The following CERS6 variants were observed in gnomAD, a reference collection of about 807,000 sequenced individuals.
CERS6 encodes the protein LAG1 homolog, ceramide synthase 6.
CERS6 carries 26 observed loss-of-function variants against 56.8 expected under a neutral mutation model. The ratio of observed to expected loss-of-function variants is 0.46; its 90% CI spans 0.34 to 0.63. CERS6 has a LOEUF of 0.63. Among genes scored for constraint, CERS6 ranks in the 30% least tolerant of loss-of-function variants. CERS6 has a pLI of 0.01. For missense variants in CERS6, 415 were observed against 467.5 expected (o/e 0.89, Z 1.04); for synonymous variants, 164 against 173.3 (o/e 0.95, Z 0.42).
At chr2:168,589,047 A>G (rs914076091) in intron 3 of CERS6, among the ~76,000 whole-genome samples, 1 of 152,186 alleles carries the variant, frequency 6.6e-6, no homozygotes, top group African/African-American at 2.4e-5. Flanking sequence ...GCCCCTGCTT[A>G]GTTCTTTTGG....
rs556096482 is a variant in CERS6 at position 168,741,482 on chromosome 2, G to A, written c.845+23504G>A. 7.9e-5 allele frequency among the ~76,000 whole-genome samples: 12 copies of A among 152,000 alleles called. No individual in the cohort carries two copies. In the East Asian group the frequency reaches 2.1e-3, roughly 27 times the overall value. ...CGCTTTGAAAGAAGAGTTGTCTTGG[G>A]CCACACAAAAAATACAATAACACTA... On this transcript the variant is annotated intron_variant, in intron 8 of 9. Coordinates refer to ENST00000305747, the MANE Select transcript of CERS6 (RefSeq NM_203463.3).
intron 1 of CERS6, among the ~76,000 whole-genome samples, chr2:168,514,690 G>GT (rs1432831670): frequency 6.6e-6 from 1 of 152,166 alleles, no homozygotes; most frequent in South Asian, 2.1e-4. Flanking sequence ...TCTTTGGGGT[G>GT]TTTTTTCTTT....
chr2:168,771,254 T>A lies in CERS6; in HGVS notation c.*1592T>A, dbSNP rs1471201710. The stretch of plus-strand genomic sequence containing the variant: ...ATTTAATTCAATTCTTGGAAAAAAT[T>A]AAAGCTTTTTGCCCACAATTTGCAA... On this transcript the variant is annotated 3_prime_UTR_variant, in exon 10 of 10. Transcript: ENST00000305747. 1 of 152,138 alleles carries A rather than the reference T, an allele frequency of 6.6e-6. No individual in the cohort carries two copies. The highest frequency in any genetic ancestry group is 1.9e-4 in the East Asian group (1 of 5,198). The allele number at this position is 152,138 out of a possible 1,614,324, so 9.4% of individuals were successfully genotyped here. A position where few individuals can be genotyped will look rare whatever the true frequency, so the allele number is the denominator to read the frequency against.
At chr2:168,560,570 G>A (rs1462996206) in intron 2 of CERS6, among the ~76,000 whole-genome samples, 1 of 152,020 alleles carries the variant, frequency 6.6e-6, no homozygotes, top group African/African-American at 2.4e-5. Context: ...GACTCGATGT[G>A]GGATACAGTT....
At chr2:168,658,925 A>G (rs562641807) in intron 4 of CERS6, among the ~76,000 whole-genome samples, 12 of 152,316 alleles carry the variant, frequency 7.9e-5, no homozygotes, top group African/African-American at 2.9e-4. Context: ...ATCAGCTTCT[A>G]TCGGGAGCAA....
At chr2:168,651,118 T>G (rs1685330799) in intron 4 of CERS6, among the ~76,000 whole-genome samples, 1 of 152,106 alleles carries the variant, frequency 6.6e-6, no homozygotes, top group Non-Finnish European at 1.5e-5. Context: ...TGGTGATAAT[T>G]AGATTTTCTA....
chr2:168,536,763 G>A (rs562892497), intron 1 of CERS6, among the ~76,000 whole-genome samples: 2 of 152,160 alleles, frequency 1.3e-5, no homozygotes, highest in Admixed American at 6.5e-5. Context: ...CTGGTAGCAT[G>A]TGGGGGAGGG....
chr2:168,678,549 C>G (rs74705639), intron 4 of CERS6, among the ~76,000 whole-genome samples: 2 of 152,240 alleles, frequency 1.3e-5, no homozygotes, highest in African/African-American at 4.8e-5. Flanking sequence ...TCTTTCCCCC[C>G]TGAGTAGTTG....
intron 4 of CERS6, among the ~76,000 whole-genome samples, chr2:168,658,904 G>C (rs1685558901): frequency 6.6e-6 from 1 of 152,162 alleles, no homozygotes; most frequent in African/African-American, 2.4e-5. Context: ...AGTTACATTT[G>C]GCATGGTGCC....
chr2:168,713,602 C>A (rs1474263335), intron 6 of CERS6, among the ~76,000 whole-genome samples: 1 of 152,102 alleles, frequency 6.6e-6, no homozygotes, highest in Non-Finnish European at 1.5e-5. Flanking sequence ...ATGAGGTTCC[C>A]TTGAAGCCGA....
At chr2:168,739,164 C>G (rs1683816174) in intron 8 of CERS6, among the ~76,000 whole-genome samples, 1 of 150,848 alleles carries the variant, frequency 6.6e-6, no homozygotes, top group Non-Finnish European at 1.5e-5. Flanking sequence ...CTGCCTCGGC[C>G]TCCCAAAGTG....
intron 3 of CERS6, among the ~76,000 whole-genome samples, chr2:168,566,638 G>T (rs79333469): frequency 6.6e-6 from 1 of 152,246 alleles, no homozygotes; most frequent in African/African-American, 2.4e-5. Context: ...GACCTTCATG[G>T]AAAGTGGAGC....
intron 4 of CERS6, among the ~76,000 whole-genome samples, chr2:168,683,690 C>G (rs188803713): frequency 6.6e-6 from 1 of 152,262 alleles, no homozygotes; most frequent in East Asian, 1.9e-4. Flanking sequence ...TCCCTAATTC[C>G]TGTTCTAAAC....
chr2:168,511,546 A>C (rs984881763), intron 1 of CERS6, among the ~76,000 whole-genome samples: 2 of 152,060 alleles, frequency 1.3e-5, no homozygotes, highest in Admixed American at 6.6e-5. Flanking sequence ...TTTGTTTTCC[A>C]TTGTGCTGAG....
intron 3 of CERS6, among the ~76,000 whole-genome samples, chr2:168,576,696 G>A (rs1559005233): frequency 6.6e-6 from 1 of 152,124 alleles, no homozygotes; most frequent in African/African-American, 2.4e-5. Context: ...TTGCTCTGAT[G>A]TTTTTTCTGT....
chr2:168,697,773 C>T (rs556002648), intron 6 of CERS6, among the ~76,000 whole-genome samples: 1 of 152,298 alleles, frequency 6.6e-6, no homozygotes, highest in South Asian at 2.1e-4. Flanking sequence ...ATCAGTCCTT[C>T]TCTTGCTTAG....
At chr2:168,492,416 C>T (rs1380647118) in intron 1 of CERS6, among the ~76,000 whole-genome samples, 1 of 152,152 alleles carries the variant, frequency 6.6e-6, no homozygotes, top group Non-Finnish European at 1.5e-5. Flanking sequence ...TAAATGTCTT[C>T]TTTTGAGAAG....
chr2:168,654,360 A>G (rs1051348534), intron 4 of CERS6, among the ~76,000 whole-genome samples: 2 of 152,162 alleles, frequency 1.3e-5, no homozygotes, highest in African/African-American at 2.4e-5. Flanking sequence ...CCTAGCCAAC[A>G]TGGTGAAACC....
chr2:168,763,240 CTTT>C (rs756952701), intron 8 of CERS6, among the ~76,000 whole-genome samples: 71 of 105,876 alleles, frequency 6.7e-4, no homozygotes, highest in African/African-American at 2.2e-3. Flanking sequence ...CTCTCTCTCT[CTTT>C]TTTTTTTTTT....
Sources: gnomAD v4.1 joint callset for allele counts (sites outside exome capture counted in the v4.1 genomes callset) on GRCh38, gnomAD v4.1.1 for gene constraint, MANE v1.5 for transcripts, NCBI Gene and HGNC (gene_info 2026-07-23, HGNC 2026-07-21) for gene names.